The following CNTN4 variants were observed in gnomAD, a reference collection of about 807,000 sequenced individuals.
CNTN4 encodes the protein contactin-4.
Under a neutral mutation model 122.5 loss-of-function variants are expected in CNTN4, and 77 were observed. That is an observed-to-expected ratio of 0.63 (90% CI 0.52 to 0.76). CNTN4 has a LOEUF of 0.76. CNTN4 is among the 30% of genes least tolerant of loss of function. The pLI, the probability that CNTN4 is intolerant of heterozygous loss-of-function variation, is 0.00. For synonymous variants in CNTN4, 512 were observed against 447.0 expected (o/e 1.15, Z -1.83); for missense variants, 1,256 against 1,259.1 (o/e 1.00, Z 0.04).
At chr3:2,191,255 C>CTTT (rs35365255) in intron 2 of CNTN4, among the ~76,000 whole-genome samples, 3,486 of 143,764 alleles carry the variant, frequency 0.024, 136 homozygotes, top group African/African-American at 0.086. Flanking sequence ...TTTAATGTGG[C>CTTT]TTTTTTTTTT....
At chr3:2,285,323 C>G (rs966813159) in intron 2 of CNTN4, among the ~76,000 whole-genome samples, 2 of 152,032 alleles carry the variant, frequency 1.3e-5, no homozygotes, top group Admixed American at 1.3e-4. Flanking sequence ...AATAGTTTAT[C>G]TGGTTCAGTT....
At chr3:2,237,425 A>T (rs1022038241) in intron 2 of CNTN4, among the ~76,000 whole-genome samples, 26 of 152,124 alleles carry the variant, frequency 1.7e-4, no homozygotes, top group Non-Finnish European at 2.9e-5. Context: ...AGTGAGCTAT[A>T]ACCCACCACT....
chr3:2,177,397 C>T (rs946653308), intron 2 of CNTN4, among the ~76,000 whole-genome samples: 3 of 152,078 alleles, frequency 2.0e-5, no homozygotes, highest in African/African-American at 7.2e-5. Flanking sequence ...AGAAATACTA[C>T]TGGCACACTT....
intron 2 of CNTN4, among the ~76,000 whole-genome samples, chr3:2,124,694 T>A (rs2034029882): frequency 6.6e-6 from 1 of 151,992 alleles, no homozygotes; most frequent in Admixed American, 6.6e-5. Context: ...GGTTCCCTTG[T>A]GCCAGGAGGT....
chr3:2,181,288 G>A (rs948912532), intron 2 of CNTN4, among the ~76,000 whole-genome samples: 4 of 152,042 alleles, frequency 2.6e-5, no homozygotes, highest in Non-Finnish European at 4.4e-5. Flanking sequence ...GCCCCCAAAT[G>A]TTTAAAGACT....
At chr3:2,701,787 A>G (rs1035134753) in intron 4 of CNTN4, among the ~76,000 whole-genome samples, 6 of 152,116 alleles carry the variant, frequency 3.9e-5, no homozygotes, top group African/African-American at 1.4e-4. Context: ...AGGAATCCTT[A>G]ATTATTAGAT....
chr3:2,135,754 C>T (rs955991978), intron 2 of CNTN4, among the ~76,000 whole-genome samples: 13 of 152,040 alleles, frequency 8.6e-5, no homozygotes, highest in Non-Finnish European at 1.6e-4. Flanking sequence ...AATTGCCTGA[C>T]CTATGTGCAG....
chr3:2,189,541 G>C (rs1178186088), intron 2 of CNTN4, among the ~76,000 whole-genome samples: 3 of 152,178 alleles, frequency 2.0e-5, no homozygotes, highest in Non-Finnish European at 4.4e-5. Flanking sequence ...GGAATGGGCT[G>C]AAGGTTGAGA....
intron 2 of CNTN4, among the ~76,000 whole-genome samples, chr3:2,284,847 G>A (rs1027039360): frequency 6.6e-6 from 1 of 151,508 alleles, no homozygotes; most frequent in Non-Finnish European, 1.5e-5. Context: ...TGATGTGGTA[G>A]CATAAATATA....
chr3:2,359,851 G>C (rs1187229081), intron 3 of CNTN4, among the ~76,000 whole-genome samples: 2 of 152,150 alleles, frequency 1.3e-5, no homozygotes, highest in Admixed American at 1.3e-4. Flanking sequence ...ATATATGATT[G>C]TTTATTCACT....
intron 4 of CNTN4, among the ~76,000 whole-genome samples, chr3:2,681,174 C>T (rs944528782): frequency 2.6e-5 from 4 of 152,100 alleles, no homozygotes; most frequent in African/African-American, 9.7e-5. Context: ...GCTGAGAAGA[C>T]AATACATAAA....
chr3:2,313,254 A>T (rs1461674258), intron 2 of CNTN4, among the ~76,000 whole-genome samples: 3 of 152,096 alleles, frequency 2.0e-5, no homozygotes, highest in Non-Finnish European at 2.9e-5. Context: ...TATAGTCATT[A>T]TAAGAAGGGG....
intron 7 of CNTN4, among the ~76,000 whole-genome samples, chr3:2,829,284 C>T (rs1360787179): frequency 6.6e-6 from 1 of 152,108 alleles, no homozygotes; most frequent in African/African-American, 2.4e-5. Context: ...ACCCATTGAA[C>T]AGAAAAAGAG....
At chr3:2,551,032 C>G (rs1013206900) in intron 3 of CNTN4, among the ~76,000 whole-genome samples, 4 of 151,978 alleles carry the variant, frequency 2.6e-5, no homozygotes, top group African/African-American at 7.2e-5. Flanking sequence ...AGCAAACCAT[C>G]ATGGCACGTG....
intron 4 of CNTN4, among the ~76,000 whole-genome samples, chr3:2,725,609 C>A (rs1448832413): frequency 6.6e-6 from 1 of 152,152 alleles, no homozygotes; most frequent in East Asian, 1.9e-4. Flanking sequence ...AGGGCCTGGA[C>A]AACACACATG....
chr3:2,624,115 A>G (rs2082091913), intron 4 of CNTN4, among the ~76,000 whole-genome samples: 1 of 152,176 alleles, frequency 6.6e-6, no homozygotes, highest in Admixed American at 6.5e-5. Context: ...ACCACTAGAA[A>G]CATATATTTT....
chr3:2,817,657 T>C (rs1252971884), intron 6 of CNTN4, among the ~76,000 whole-genome samples: 14 of 152,206 alleles, frequency 9.2e-5, no homozygotes, highest in Non-Finnish European at 1.5e-4. Context: ...GAAACCATGA[T>C]TGGTTTTACC....
chr3:2,194,149 A>T (rs929762914), intron 2 of CNTN4, among the ~76,000 whole-genome samples: 9 of 152,160 alleles, frequency 5.9e-5, no homozygotes, highest in Non-Finnish European at 1.3e-4. Context: ...TTCAGGGAAA[A>T]TAATTATATG....
intron 3 of CNTN4, among the ~76,000 whole-genome samples, chr3:2,532,911 CT>C (rs1416504158): frequency 6.6e-6 from 1 of 152,094 alleles, no homozygotes; most frequent in East Asian, 1.9e-4. Flanking sequence ...CTGAAAAACA[CT>C]GTAGAACTCA....
Sources: allele counts gnomAD v4.1 joint callset (sites outside exome capture counted in the v4.1 genomes callset), GRCh38; gene constraint gnomAD v4.1.1; transcripts MANE v1.5; gene names NCBI Gene and HGNC (gene_info 2026-07-23, HGNC 2026-07-21).